Variants in ELAPOR2 observed in about 807,000 individuals in gnomAD.
The protein encoded by ELAPOR2 is endosome-lysosome associated apoptosis and autophagy regulator family member 2.
ELAPOR2 carries 89 observed loss-of-function variants against 120.7 expected under a neutral mutation model. That is an observed-to-expected ratio of 0.74 (90% CI 0.62 to 0.88). ELAPOR2 has a LOEUF of 0.88. Among genes scored for constraint, ELAPOR2 ranks in the 40% least tolerant of loss-of-function variants. The pLI is 0.00. For missense variants in ELAPOR2, 1,134 were observed against 1,251.6 expected, an observed-to-expected ratio of 0.91 and a Z score of 1.42; for synonymous variants, 444 against 444.9, an observed-to-expected ratio of 1.00 and a Z score of 0.03.
chr7:86,976,111 T>C (rs761963876), intron 1 of ELAPOR2, among the ~76,000 whole-genome samples: 2 of 152,086 alleles, frequency 1.3e-5, no homozygotes, highest in African/African-American at 4.8e-5. Flanking sequence ...CAGCACTGAT[T>C]CCACAACAAC....
intron 20 of ELAPOR2, 118 bp downstream of exon 20, chr7:86,892,804 G>T: frequency 1.1e-6 from 1 of 902,270 alleles, no homozygotes; most frequent in Non-Finnish European, 1.5e-6. Context: ...TTCTTCGCAA[G>T]GAGAAAATTC....
chr7:86,916,079 T>C (rs116926604), intron 12 of ELAPOR2, among the ~76,000 whole-genome samples: 2,383 of 152,232 alleles, frequency 0.016, 27 homozygotes, highest in Non-Finnish European at 0.022. Flanking sequence ...GAGAAGATCA[T>C]CACACAAAGA....
intron 21 of ELAPOR2, among the ~76,000 whole-genome samples, chr7:86,890,804 C>T (rs188352132): frequency 6.9e-4 from 105 of 151,950 alleles, no homozygotes; most frequent in African/African-American, 2.3e-3. Context: ...AAGGGAAAGA[C>T]GGTTTATTCA....
chr7:86,976,864 T>A (rs976241101), intron 1 of ELAPOR2, among the ~76,000 whole-genome samples: 1 of 152,180 alleles, frequency 6.6e-6, no homozygotes, highest in Non-Finnish European at 1.5e-5. Flanking sequence ...GTCACAAATA[T>A]TAGATTCTCT....
intron 1 of ELAPOR2, among the ~76,000 whole-genome samples, chr7:87,019,163 T>A (rs1381813149): frequency 1.3e-5 from 2 of 151,938 alleles, no homozygotes; most frequent in African/African-American, 4.9e-5. Context: ...TATTTTTGTA[T>A]TTTTGTTTAT....
In ELAPOR2 at chr7:86,945,599, T is replaced by C. The variant is rs188362176; in HGVS notation, c.507-553A>G. On this transcript the variant is annotated intron_variant, in intron 3 of 21. Coordinates refer to ENST00000450689, the MANE Select transcript of ELAPOR2 (RefSeq NM_001142749.3). ...TTTAAAACATAATACCATTGTATTG[T>C]AGGGTTTATAACATGTTTCTAAATA... 2.9e-4 allele frequency among the ~76,000 whole-genome samples: 44 copies of C among 152,328 alleles called. 1 individual carries two copies. The East Asian group carries it at 5.2e-3, about 18-fold the overall frequency.
chr7:87,002,348 A>G (rs79789985), intron 1 of ELAPOR2, among the ~76,000 whole-genome samples: 5 of 152,298 alleles, frequency 3.3e-5, no homozygotes, highest in African/African-American at 4.8e-5. Context: ...AATGGGGTAG[A>G]GGGAAGATAG....
intron 1 of ELAPOR2, among the ~76,000 whole-genome samples, chr7:86,967,907 C>T (rs1474281027): frequency 1.3e-5 from 2 of 152,134 alleles, no homozygotes; most frequent in Non-Finnish European, 2.9e-5. Context: ...AAATGCAAAC[C>T]TATTTCATGC....
chr7:87,012,818 A>G (rs1793735027), intron 1 of ELAPOR2, among the ~76,000 whole-genome samples: 1 of 152,192 alleles, frequency 6.6e-6, no homozygotes, highest in African/African-American at 2.4e-5. Context: ...TAAATCTGCA[A>G]CTGTTCTAGA....
intron 21 of ELAPOR2, among the ~76,000 whole-genome samples, chr7:86,889,479 T>C (rs1799852870): frequency 6.6e-6 from 1 of 151,774 alleles, no homozygotes; most frequent in Admixed American, 6.6e-5. Flanking sequence ...TGTTTTTTTT[T>C]TCAATCTGAT....
At chr7:86,911,304 T>G (rs1001050180) in intron 15 of ELAPOR2, among the ~76,000 whole-genome samples, 1 of 152,112 alleles carries the variant, frequency 6.6e-6, no homozygotes, top group East Asian at 1.9e-4. Flanking sequence ...TATGTAAAAT[T>G]TTATGGATCT....
At chr7:86,880,976 A>G (rs1325756412) in intron 21 of ELAPOR2, among the ~76,000 whole-genome samples, 1 of 152,158 alleles carries the variant, frequency 6.6e-6, no homozygotes, top group Non-Finnish European at 1.5e-5. Flanking sequence ...GAGAATGCCA[A>G]CAAGACATTA....
At chr7:87,025,194 C>T (rs1794204207) in intron 1 of ELAPOR2, among the ~76,000 whole-genome samples, 1 of 152,064 alleles carries the variant, frequency 6.6e-6, no homozygotes, top group Admixed American at 6.6e-5. Flanking sequence ...ATTGTAGAAG[C>T]AGTCATCTGT....
chr7:86,968,252 A>C (rs1791988897), intron 1 of ELAPOR2, among the ~76,000 whole-genome samples: 1 of 152,214 alleles, frequency 6.6e-6, no homozygotes, highest in Admixed American at 6.5e-5. Context: ...TGAGCACTTA[A>C]AACTGGCCCC....
intron 6 of ELAPOR2, among the ~76,000 whole-genome samples, chr7:86,939,461 A>AC (rs1381522296): frequency 6.6e-6 from 1 of 152,058 alleles, no homozygotes; most frequent in African/African-American, 2.4e-5. Flanking sequence ...ACATATTAAA[A>AC]CGTAAGCCAA....
chr7:86,944,892 G>T lies in ELAPOR2; in HGVS notation c.654+7C>A. Reference sequence around the variant, plus strand: ...AAAAGTAAATTCCAGAATACAAAAGGTCTTACAAAGAACTCAAAGAAGATG... The same window carrying T: ...AAAAGTAAATTCCAGAATACAAAAGTTCTTACAAAGAACTCAAAGAAGATG... On this transcript the variant is annotated splice_region_variant and intron_variant, in intron 4 of 21. Coordinates refer to ENST00000450689, the MANE Select transcript of ELAPOR2 (RefSeq NM_001142749.3). The T allele has an allele frequency of 1.3e-6, 2 of 1,535,608 alleles. No individual in the cohort carries two copies. Among genetic ancestry groups the T allele is most frequent in the Non-Finnish European group, 1.8e-6 (2 of 1,142,470 alleles).
chr7:86,915,351 G>T (rs2519713), intron 12 of ELAPOR2, among the ~76,000 whole-genome samples: 92,573 of 151,744 alleles, frequency 0.61, 30,631 homozygotes, highest in African/African-American at 0.86. Flanking sequence ...GTTCCAGGGT[G>T]ACTTTATCCA....
chr7:87,028,059 T>C (rs867707270), intron 1 of ELAPOR2, among the ~76,000 whole-genome samples: 19 of 152,170 alleles, frequency 1.2e-4, no homozygotes, highest in African/African-American at 4.6e-4. Context: ...TTAGAAGACA[T>C]GTTGAAGTAT....
intron 2 of ELAPOR2, among the ~76,000 whole-genome samples, chr7:86,960,457 T>C (rs967117302): frequency 6.6e-6 from 1 of 152,134 alleles, no homozygotes; most frequent in African/African-American, 2.4e-5. Context: ...TTCACTATGT[T>C]GGCCAGGCTG....
Sources: gnomAD v4.1 joint callset for allele counts (sites outside exome capture counted in the v4.1 genomes callset) on GRCh38, gnomAD v4.1.1 for gene constraint, MANE v1.5 for transcripts, NCBI Gene and HGNC (gene_info 2026-07-23, HGNC 2026-07-21) for gene names.